ZNF669: variants seen among roughly 807,000 people sequenced by gnomAD.
The protein encoded by ZNF669 is zinc finger protein 669.
A neutral mutation model predicts 11.4 loss-of-function variants in ZNF669; 7 were observed. The observed-to-expected ratio is 0.62, with a 90% confidence interval of 0.35 to 1.16. The LOEUF is 1.16. Ranked by LOEUF, ZNF669 falls within the 50% of genes most tolerant of loss-of-function variation. The pLI, the probability that ZNF669 is intolerant of heterozygous loss-of-function variation, is 0.02. For synonymous variants in ZNF669, 153 were observed against 155.8 expected, an observed-to-expected ratio of 0.98 and a Z score of 0.13; for missense variants, 492 against 463.6, an observed-to-expected ratio of 1.06 and a Z score of -0.56.
chr1:247,102,455 T>C (rs1223342195), intron 1 of ZNF669, among the ~76,000 whole-genome samples: 1 of 152,258 alleles, frequency 6.6e-6, no homozygotes, highest in Non-Finnish European at 1.5e-5. Context: ...AGTGAGTTAA[T>C]AATATCAGTC....
intron 1 of ZNF669, among the ~76,000 whole-genome samples, chr1:247,103,490 T>C (rs1402307031): frequency 2.6e-5 from 4 of 151,636 alleles, no homozygotes; most frequent in Non-Finnish European, 5.9e-5. Context: ...AAAAATTAGC[T>C]GGGCGTGGTG....
rs1671798329 is a variant in ZNF669, at chr1:247,104,285, AC to A, written c.-87del. The A allele has an allele frequency of 1.4e-6, 2 of 1,439,504 alleles. No homozygotes were observed. Among genetic ancestry groups the A allele is most frequent in the Non-Finnish European group, 1.8e-6 (2 of 1,096,360 alleles). The allele number at this position is 1,439,504 out of a possible 1,614,324, so 89.2% of individuals were successfully genotyped here. A position where few individuals can be genotyped will look rare whatever the true frequency, so the allele number is the denominator to read the frequency against. ...GGGTGGCAGAGGCTGCTGCAGAGCC[AC>A]CTGGGCCTCCCAGAGCCAAGAACTA... is the stretch of plus-strand genomic sequence containing the variant. On this transcript the variant is annotated 5_prime_UTR_variant, in exon 1 of 4. Coordinates refer to ENST00000448299, the MANE Select transcript of ZNF669 (RefSeq NM_001142572.2).
At chr1:247,103,632 CAAAAAAAAAAAAAA>C (rs58671011) in intron 1 of ZNF669, among the ~76,000 whole-genome samples, 24 of 50,052 alleles carry the variant, frequency 4.8e-4, no homozygotes, top group Non-Finnish European at 6.4e-4. Flanking sequence ...ATTCCGTCTC[CAAAAAAAAAAAAAA>C]AAAAAAAAAA....
intron 1 of ZNF669, chr1:247,103,905 C>G: frequency 1.3e-6 from 2 of 1,560,496 alleles, no homozygotes; most frequent in Non-Finnish European, 1.7e-6. Flanking sequence ...AGTCGGGGCT[C>G]TCCCGCATCA....
chr1:247,100,150 A>C lies in ZNF669; in HGVS notation c.*224T>G, dbSNP rs557606951. The stretch of plus-strand genomic sequence containing the variant: ...CAGGCGTCTGCCACCACGCCCAGCT[A>C]ATTTTTTGTATTTTTAGTAGAGACG... On this transcript the variant is annotated 3_prime_UTR_variant, in exon 4 of 4. Coordinates refer to ENST00000448299, the MANE Select transcript of ZNF669 (RefSeq NM_001142572.2). 10 of 400,680 alleles carry C rather than the reference A, an allele frequency of 2.5e-5. No homozygotes were observed. The East Asian group carries it at 2.5e-4, about 10-fold the overall frequency. The allele number at this position is 400,680 out of a possible 1,614,324, so 24.8% of individuals were successfully genotyped here.
At chr1:247,103,808 G>A (rs1572040522) in intron 1 of ZNF669, 1 of 1,246,980 alleles carries the variant, frequency 8.0e-7, no homozygotes, top group Non-Finnish European at 1.1e-6. Context: ...CAAAGCCTCG[G>A]CTTAATTTTA....
chr1:247,104,346 G>T lies in ZNF669; in HGVS notation c.-147C>A. The T allele has an allele frequency of 8.4e-7, 1 of 1,187,440 alleles. No individual in the cohort carries two copies. The highest frequency in any genetic ancestry group is 2.0e-5 in the South Asian group (1 of 50,016). The allele number at this position is 1,187,440 out of a possible 1,614,324, so 73.6% of individuals were successfully genotyped here. A position where few individuals can be genotyped will look rare whatever the true frequency, so the allele number is the denominator to read the frequency against. On this transcript the variant is annotated 5_prime_UTR_variant, in exon 1 of 4. Transcript: ENST00000448299. ...ACTAACAGGAAGAGCCGGCTCCGGC[G>T]AAGGAGAGACAAAGCAACCGCCAGG...
At chr1:247,102,203 T>A (rs1269258197) in intron 1 of ZNF669, 90 bp from the exon 2 acceptor site, 2 of 1,452,672 alleles carry the variant, frequency 1.4e-6, no homozygotes, top group Non-Finnish European at 1.8e-6. Flanking sequence ...TTACATGATT[T>A]GATAATTTCC....
intron 1 of ZNF669, 197 bp downstream of exon 1, chr1:247,104,000 G>A: frequency 6.2e-7 from 1 of 1,602,128 alleles, no homozygotes; most frequent in East Asian, 2.3e-5. Context: ...GCGCCCGCAG[G>A]TACAGACAGG....
At position 247,101,221 on chromosome 1, in the gene ZNF669, G is replaced by A; in HGVS notation, c.290C>T (p.Ser97Phe). Reference sequence around the variant, plus strand: ...GCATTCACATGGTTTTAATCCAGTAGAAATGTTCTCGTTCAGATCAAGATT... The same window carrying A: ...GCATTCACATGGTTTTAATCCAGTAAAAATGTTCTCGTTCAGATCAAGATT... ...IPNLDLNENI[S>F]TGLKPCECSI... The change falls in exon 4 of 4, where the codon TCT becomes TTT. Residue 97 changes from serine to phenylalanine, a missense_variant. Ser to Phe is a radical substitution (Grantham distance 155). Coordinates refer to ENST00000448299, the MANE Select transcript of ZNF669 (RefSeq NM_001142572.2). 6.2e-7 allele frequency: 1 copy of A among 1,613,956 alleles called. No individual in the cohort carries two copies. Among genetic ancestry groups the A allele is most frequent in the Non-Finnish European group, 8.5e-7 (1 of 1,179,984 alleles).
intron 1 of ZNF669, among the ~76,000 whole-genome samples, chr1:247,103,631 CCAAAAAA>C (rs1306564084): frequency 1.7e-5 from 1 of 60,302 alleles, no homozygotes; most frequent in African/African-American, 1.1e-4. Flanking sequence ...GATTCCGTCT[CCAAAAAA>C]AAAAAAAAAA....
rs754796890 is a variant in ZNF669 at position 247,100,541 on chromosome 1, T to G, written c.970A>C (p.Arg324=). The change falls in exon 4 of 4, where the codon AGA becomes CGA. Residue 324 remains arginine (R), a synonymous_variant. Coordinates refer to ENST00000448299, the MANE Select transcript of ZNF669 (RefSeq NM_001142572.2). ...TAGGGTTTTTCTCCAGTATGAATTC[T>G]TTCGTGGAGGTGAAGGGAACTGAGG... ...SRLSSLHLHE[R]IHTGEKPYEC... is the part of the protein sequence containing the mutation. The G allele has an allele frequency of 1.2e-6, 2 of 1,614,256 alleles. No individual in the cohort carries two copies. Among genetic ancestry groups the G allele is most frequent in the South Asian group, 2.2e-5 (2 of 91,086 alleles).
At position 247,103,106 on chromosome 1, in the gene ZNF669, A is replaced by G. The variant is rs114504909; in HGVS notation, c.4-993T>C. ...TTATGTCTTGCCTAACATACTTTTAAGATTTTCAACCAAAAATATTCAGGA... is the reference window on the plus strand; with the variant it reads ...TTATGTCTTGCCTAACATACTTTTAGGATTTTCAACCAAAAATATTCAGGA... On this transcript the variant is annotated intron_variant, in intron 1 of 3. Coordinates refer to ENST00000448299, the MANE Select transcript of ZNF669 (RefSeq NM_001142572.2). Among the ~76,000 whole-genome samples, 1,474 of 152,322 alleles carry G rather than the reference A, an allele frequency of 9.7e-3. 28 individuals are homozygous for G. Among genetic ancestry groups the G allele is most frequent in the African/African-American group, 0.034 (1,410 of 41,560 alleles).
At chr1:247,101,349 T>G in intron 3 of ZNF669, 30 bp from the exon 4 acceptor site, 1 of 1,521,744 alleles carries the variant, frequency 6.6e-7, no homozygotes, top group South Asian at 1.3e-5. Context: ...ACATTATTAT[T>G]GGTTGGTTTA....
Position 247,100,973 on chromosome 1 carries a change from C to G in ZNF669, c.538G>C (p.Glu180Gln), listed in dbSNP as rs757399306. ...GKAFYFLNSV[E>Q]RHQRTHTGEK... ...CCTGTGTGAGTTCTCTGATGTCTTT[C>G]AACTGAATTGAGAAAATAAAAAGCT... The change falls in exon 4 of 4, where the codon GAA becomes CAA. Residue 180 changes from glutamate (E) to glutamine (Q), a missense_variant. Transcript: ENST00000448299. The G allele has an allele frequency of 1.2e-6, 2 of 1,613,060 alleles. No homozygotes were observed. The highest frequency in any genetic ancestry group is 4.5e-5 in the East Asian group (2 of 44,888).
At position 247,099,976 on chromosome 1, in the gene ZNF669, T is replaced by A. The variant is rs1327430987; in HGVS notation, c.*398A>T. The stretch of plus-strand genomic sequence containing the variant: ...GTGCCACCATGCCCAGCTAATTATT[T>A]TTTTATTTTATTTTATCTTATTTTT... On this transcript the variant is annotated 3_prime_UTR_variant, in exon 4 of 4. Transcript: ENST00000448299. 6.5e-6 allele frequency: 1 copy of A among 153,832 alleles called. No homozygotes were observed. Among genetic ancestry groups the A allele is most frequent in the African/African-American group, 2.9e-5 (1 of 35,066 alleles). The allele number at this position is 153,832 out of a possible 1,614,324, so 9.5% of individuals were successfully genotyped here.
rs1450540958 is a variant in ZNF669 at position 247,100,792 on chromosome 1, C to T, written c.719G>A (p.Arg240Lys). 1 of 1,613,704 alleles carries T rather than the reference C, an allele frequency of 6.2e-7. No individual in the cohort carries two copies. The highest frequency in any genetic ancestry group is 1.3e-5 in the African/African-American group (1 of 74,904). Residue 240 changes from arginine to lysine, a missense_variant, in exon 4 of 4, where the codon AGG becomes AAG. Arg to Lys is a conservative substitution (Grantham distance 26, BLOSUM62 2). Transcript: ENST00000448299. ...RFSCSFKTHERTHTGERPYKC... is the reference protein window; with the variant it reads ...RFSCSFKTHEKTHTGERPYKC... ...ATAGGGTCTTTCTCCAGTGTGAGTC[C>T]TTTCATGCGTCTTAAAAGAACAAGA...
rs376873562 is a variant in ZNF669 at position 247,104,039 on chromosome 1, C to T, written c.3+158G>A. ...CAGGGGTTCCGCTGCCCGCCCCGCC[C>T]GGCCCGGCCCTGAACAGAAGAGGAC... is the stretch of plus-strand genomic sequence containing the variant. On this transcript the variant is annotated intron_variant, in intron 1 of 3. Coordinates refer to ENST00000448299, the MANE Select transcript of ZNF669 (RefSeq NM_001142572.2). 6.9e-6 allele frequency: 11 copies of T among 1,584,726 alleles called. No individual in the cohort carries two copies. In the African/African-American group the frequency reaches 1.2e-4, roughly 17 times the overall value.
rs992421223 is a variant in ZNF669, at chr1:247,104,277, G to A, written c.-78C>T. 4 of 1,449,686 alleles carry A rather than the reference G, an allele frequency of 2.8e-6. No homozygotes were observed. The highest frequency in any genetic ancestry group is 2.9e-5 in the African/African-American group (2 of 68,020). 89.8% of individuals were successfully genotyped at this position (1,449,686 alleles called of 1,614,324 possible). On this transcript the variant is annotated 5_prime_UTR_variant, in exon 1 of 4. Transcript: ENST00000448299. ...AGGTCACAGGGTGGCAGAGGCTGCTGCAGAGCCACCTGGGCCTCCCAGAGC... is the reference window on the plus strand; with the variant it reads ...AGGTCACAGGGTGGCAGAGGCTGCTACAGAGCCACCTGGGCCTCCCAGAGC...
Sources: gnomAD v4.1 joint callset for allele counts (sites outside exome capture counted in the v4.1 genomes callset) on GRCh38, gnomAD v4.1.1 for gene constraint, MANE v1.5 for transcripts, NCBI Gene and HGNC (gene_info 2026-07-23, HGNC 2026-07-21) for gene names.